The following SYN3 variants were observed in gnomAD, a reference collection of about 807,000 sequenced individuals.
SYN3 encodes synapsin III.
Under a neutral mutation model 65.8 loss-of-function variants are expected in SYN3, and 35 were observed. That is an observed-to-expected ratio of 0.53 (90% CI 0.41 to 0.70). SYN3 has a LOEUF of 0.70. Among genes scored for constraint, SYN3 ranks in the 30% least tolerant of loss-of-function variants. SYN3 has a pLI of 0.00. For synonymous variants in SYN3, 270 were observed against 292.9 expected (o/e 0.92, Z 0.80); for missense variants, 680 against 749.0 (o/e 0.91, Z 1.08).
intron 6 of SYN3, among the ~76,000 whole-genome samples, chr22:32,629,378 C>T (rs1433332299): frequency 2.6e-5 from 4 of 152,212 alleles, no homozygotes; most frequent in South Asian, 2.1e-4. Context: ...TTAACCACTA[C>T]GTAATGCAAA....
At chr22:32,693,187 C>A (rs991863454) in intron 6 of SYN3, among the ~76,000 whole-genome samples, 1 of 152,050 alleles carries the variant, frequency 6.6e-6, no homozygotes, top group Non-Finnish European at 1.5e-5. Context: ...TAAAATAGAA[C>A]GATTATAATA....
At chr22:32,987,987 G>A (rs1457420013) in intron 2 of SYN3, among the ~76,000 whole-genome samples, 2 of 152,000 alleles carry the variant, frequency 1.3e-5, no homozygotes, top group Non-Finnish European at 2.9e-5. Flanking sequence ...GGGGAGATTG[G>A]ACTTCAGTTG....
At chr22:32,924,494 A>G (rs535398572) in intron 4 of SYN3, among the ~76,000 whole-genome samples, 2 of 152,342 alleles carry the variant, frequency 1.3e-5, no homozygotes, top group South Asian at 4.1e-4. Context: ...CAACAGCAGC[A>G]TCAGCAGCAT....
intron 7 of SYN3, among the ~76,000 whole-genome samples, chr22:32,569,539 C>A (rs981101853): frequency 2.1e-5 from 1 of 47,402 alleles, no homozygotes; most frequent in African/African-American, 1.7e-4. Context: ...ATCAATCAAT[C>A]TCTCTCTCTC....
intron 6 of SYN3, among the ~76,000 whole-genome samples, chr22:32,815,291 A>C (rs2047058646): frequency 6.6e-6 from 1 of 152,120 alleles, no homozygotes. Context: ...AGTGCAGGGA[A>C]CCCATGTGCG....
intron 5 of SYN3, among the ~76,000 whole-genome samples, chr22:32,865,325 G>A (rs2048661509): frequency 1.3e-5 from 2 of 152,162 alleles, no homozygotes; most frequent in Admixed American, 6.5e-5. Flanking sequence ...TGATGTTCAT[G>A]CCCTGCTCCT....
chr22:32,782,139 G>A (rs530559833), intron 6 of SYN3, among the ~76,000 whole-genome samples: 3 of 151,944 alleles, frequency 2.0e-5, no homozygotes, highest in East Asian at 1.9e-4. Context: ...CATGATCTCG[G>A]CTCACTGCAA....
chr22:32,737,327 T>G (rs549912291), intron 6 of SYN3, among the ~76,000 whole-genome samples: 1 of 152,156 alleles, frequency 6.6e-6, no homozygotes, highest in South Asian at 2.1e-4. Context: ...CTTTTTTTTT[T>G]AATTATACTT....
intron 7 of SYN3, among the ~76,000 whole-genome samples, chr22:32,594,638 C>A (rs1466318310): frequency 2.0e-5 from 3 of 152,168 alleles, no homozygotes; most frequent in Non-Finnish European, 4.4e-5. Context: ...CAGGCATGCG[C>A]AACCACGCCT....
intron 7 of SYN3, among the ~76,000 whole-genome samples, chr22:32,581,310 T>C (rs1339910176): frequency 6.6e-6 from 1 of 152,198 alleles, no homozygotes; most frequent in Admixed American, 6.5e-5. Flanking sequence ...GGTTTCGCCA[T>C]GTTGGCCAGG....
intron 4 of SYN3, among the ~76,000 whole-genome samples, chr22:32,892,122 A>G (rs1601634916): frequency 6.6e-6 from 1 of 151,872 alleles, no homozygotes; most frequent in Non-Finnish European, 1.5e-5. Flanking sequence ...GTGAAACCCC[A>G]TCTCTAATAA....
chr22:32,587,594 G>A (rs1423200033), intron 7 of SYN3, among the ~76,000 whole-genome samples: 6 of 152,028 alleles, frequency 3.9e-5, no homozygotes, highest in East Asian at 3.9e-4. Flanking sequence ...CTTCATCACC[G>A]TGTTACTGGG....
intron 6 of SYN3, among the ~76,000 whole-genome samples, chr22:32,823,240 G>A (rs190772142): frequency 6.6e-6 from 1 of 152,184 alleles, no homozygotes; most frequent in East Asian, 1.9e-4. Context: ...GGTGGGACTT[G>A]TAAGTCCCGT....
chr22:32,564,451 A>C (rs1335381530), intron 7 of SYN3, among the ~76,000 whole-genome samples: 1 of 152,212 alleles, frequency 6.6e-6, no homozygotes, highest in Non-Finnish European at 1.5e-5. Flanking sequence ...TATGCCAGGC[A>C]TTGTTCTAAG....
chr22:32,918,483 C>A (rs1250980295), intron 4 of SYN3, among the ~76,000 whole-genome samples: 4 of 152,104 alleles, frequency 2.6e-5, no homozygotes, highest in Admixed American at 6.5e-5. Context: ...AGAAAAGAAA[C>A]AACAAAATAA....
chr22:32,734,705 A>G (rs1283131715), intron 6 of SYN3, among the ~76,000 whole-genome samples: 2 of 152,190 alleles, frequency 1.3e-5, no homozygotes, highest in Non-Finnish European at 2.9e-5. Flanking sequence ...ATTCTAGGAC[A>G]TTCCTGGGTT....
intron 4 of SYN3, among the ~76,000 whole-genome samples, chr22:32,919,600 G>A (rs992762421): frequency 4.6e-5 from 7 of 152,216 alleles, no homozygotes; most frequent in Non-Finnish European, 7.3e-5. Flanking sequence ...CCTGGCACTC[G>A]AAATTTGCCT....
At chr22:32,680,752 T>C (rs1453170187) in intron 6 of SYN3, among the ~76,000 whole-genome samples, 2 of 152,246 alleles carry the variant, frequency 1.3e-5, no homozygotes, top group Non-Finnish European at 2.9e-5. Flanking sequence ...CTCTTTTATG[T>C]TCATGGCATA....
chr22:32,761,803 G>A (rs1351019125), intron 6 of SYN3, among the ~76,000 whole-genome samples: 3 of 152,184 alleles, frequency 2.0e-5, no homozygotes, highest in African/African-American at 7.2e-5. Context: ...TCTCCAATGG[G>A]AGGCAGGAAG....
Sources: allele counts gnomAD v4.1 joint callset (sites outside exome capture counted in the v4.1 genomes callset), GRCh38; gene constraint gnomAD v4.1.1; transcripts MANE v1.5; gene names NCBI Gene and HGNC (gene_info 2026-07-23, HGNC 2026-07-21).